SV2C: variants seen among roughly 807,000 people sequenced by gnomAD.
SV2C encodes solute carrier family 22 member B3.
Under a neutral mutation model 79.7 loss-of-function variants are expected in SV2C, and 49 were observed. The ratio of observed to expected loss-of-function variants is 0.61; its 90% CI spans 0.49 to 0.78. The LOEUF (loss-of-function observed/expected upper bound fraction) is 0.78. SV2C is among the 30% of genes least tolerant of loss of function. The pLI, the probability that SV2C is intolerant of heterozygous loss-of-function variation, is 0.00. For missense variants in SV2C, 833 were observed against 912.9 expected, an observed-to-expected ratio of 0.91 and a Z score of 1.13; for synonymous variants, 334 against 333.2, an observed-to-expected ratio of 1.00 and a Z score of -0.03.
At chr5:75,911,263 A>G in the SV2C span, 1 of 1,466,270 alleles carries the variant, frequency 6.8e-7, no homozygotes, top group Admixed American at 1.7e-5. Context: ...AGTTCTCCCT[A>G]GCTCCCCAGC....
At chr5:75,927,107 C>A in the SV2C span, among the ~76,000 whole-genome samples, 1 of 152,060 alleles carries the variant, frequency 6.6e-6, no homozygotes, top group Non-Finnish European at 1.5e-5. Flanking sequence ...AGGTGGATAT[C>A]AGTGCATGAT....
At position 76,121,684 on chromosome 5, in the gene SV2C, T is replaced by A. The variant is rs1247324040; in HGVS notation, c.-101-9966T>A. Among the ~76,000 whole-genome samples the A allele has an allele frequency of 2.0e-5, 3 of 151,886 alleles. No homozygotes were observed. The East Asian group carries it at 5.8e-4, about 29-fold the overall frequency. On this transcript the variant is annotated intron_variant, in intron 1 of 12. Coordinates refer to ENST00000502798, the MANE Select transcript of SV2C (RefSeq NM_014979.4). ...GTCAAAGATCAGATAGTTGTAGATATGCGGCGTTATTTCTGAGGGCTCTGC... is the reference window on the plus strand; with the variant it reads ...GTCAAAGATCAGATAGTTGTAGATAAGCGGCGTTATTTCTGAGGGCTCTGC...
chr5:76,321,849 G>A lies in SV2C; in HGVS notation c.2001-3515G>A, dbSNP rs1748840430. Among the ~76,000 whole-genome samples the A allele has an allele frequency of 3.3e-5, 5 of 152,170 alleles. No homozygotes were observed. The South Asian group carries it at 1.0e-3, about 32-fold the overall frequency. On this transcript the variant is annotated intron_variant, in intron 12 of 12. Transcript: ENST00000502798. ...TTTTTAAAAAATGTCTTAAGAAGTGGGATGTGTCTTACTTATATACCTGCG... is the reference window on the plus strand; with the variant it reads ...TTTTTAAAAAATGTCTTAAGAAGTGAGATGTGTCTTACTTATATACCTGCG...
the SV2C span, among the ~76,000 whole-genome samples, chr5:75,899,031 A>G: frequency 2.0e-5 from 3 of 152,092 alleles, no homozygotes; most frequent in African/African-American, 7.2e-5. Context: ...TCCTGGATTC[A>G]TTAATTTGTT....
the SV2C span, among the ~76,000 whole-genome samples, chr5:76,070,395 A>G: frequency 6.6e-6 from 1 of 152,086 alleles, no homozygotes; most frequent in Non-Finnish European, 1.5e-5. Context: ...ACTGTCCCCA[A>G]GGTTAAGGCA....
At chr5:75,967,692 C>A in the SV2C span, among the ~76,000 whole-genome samples, 22 of 152,342 alleles carry the variant, frequency 1.4e-4, no homozygotes, top group African/African-American at 5.3e-4. Flanking sequence ...ACTGGGTGGA[C>A]CCCACCACAG....
the SV2C span, among the ~76,000 whole-genome samples, chr5:76,011,148 G>A: frequency 0.035 from 5,251 of 152,086 alleles, 194 homozygotes; most frequent in African/African-American, 0.083. Flanking sequence ...AAAGAAATTC[G>A]GAGGTTCTAT....
At chr5:76,214,696 C>A (rs1418048341) in intron 4 of SV2C, among the ~76,000 whole-genome samples, 1 of 152,206 alleles carries the variant, frequency 6.6e-6, no homozygotes, top group Non-Finnish European at 1.5e-5. Context: ...TCTTCCATTT[C>A]TTTCATCAGA....
the SV2C span, among the ~76,000 whole-genome samples, chr5:76,053,080 G>C: frequency 6.8e-6 from 1 of 146,212 alleles, no homozygotes; most frequent in Admixed American, 6.9e-5. Context: ...GGTTGTACAA[G>C]ACATCTTAAT....
chr5:76,040,639 C>T, the SV2C span, among the ~76,000 whole-genome samples: 63,347 of 152,022 alleles, frequency 0.42, 15,269 homozygotes, highest in Middle Eastern at 0.58. Flanking sequence ...ATATTTTAGA[C>T]CCCAGTTGCT....
At chr5:75,941,890 C>T in the SV2C span, among the ~76,000 whole-genome samples, 1 of 152,196 alleles carries the variant, frequency 6.6e-6, no homozygotes, top group East Asian at 1.9e-4. Context: ...GGGTCCTACC[C>T]ATACCCTGGA....
chr5:76,088,348 C>T (rs1747265027), intron 1 of SV2C, among the ~76,000 whole-genome samples: 1 of 152,080 alleles, frequency 6.6e-6, no homozygotes, highest in Non-Finnish European at 1.5e-5. Flanking sequence ...TAGTCCCTTC[C>T]AGCTGCTATA....
At chr5:76,116,272 G>A (rs1362282960) in intron 1 of SV2C, among the ~76,000 whole-genome samples, 1 of 152,106 alleles carries the variant, frequency 6.6e-6, no homozygotes. Flanking sequence ...GCATTTCTTT[G>A]TTTTGCTATC....
chr5:76,171,664 G>T (rs1426838398), intron 2 of SV2C, among the ~76,000 whole-genome samples: 1 of 145,368 alleles, frequency 6.9e-6, no homozygotes, highest in Non-Finnish European at 1.5e-5. Flanking sequence ...GGGAGGTGGG[G>T]GGTCAGCCCC....
chr5:76,150,677 G>A (rs1465107873), intron 2 of SV2C, among the ~76,000 whole-genome samples: 2 of 102,998 alleles, frequency 1.9e-5, no homozygotes, highest in South Asian at 3.5e-4. Context: ...TCACTCTGTT[G>A]CCCAGGCTGG....
chr5:76,285,912 G>A (rs749005011), intron 6 of SV2C, 42 bp downstream of exon 6: 16 of 1,562,000 alleles, frequency 1.0e-5, no homozygotes, highest in Middle Eastern at 1.7e-4. Context: ...CAGGGATTGG[G>A]ACATGTTTTC....
At chr5:76,149,046 A>T (rs1223043208) in intron 2 of SV2C, among the ~76,000 whole-genome samples, 1 of 152,040 alleles carries the variant, frequency 6.6e-6, no homozygotes, top group East Asian at 1.9e-4. Context: ...TTTGTTGTTG[A>T]TCTGAAATTC....
intron 10 of SV2C, 82 bp downstream of exon 10, chr5:76,299,009 A>T (rs1356029581): frequency 4.8e-6 from 7 of 1,455,728 alleles, no homozygotes; most frequent in Non-Finnish European, 5.5e-6. Context: ...ATGTGGGCAG[A>T]GGCTTATGCG....
chr5:76,169,660 A>C (rs911979318), intron 2 of SV2C, among the ~76,000 whole-genome samples: 1 of 152,218 alleles, frequency 6.6e-6, no homozygotes, highest in African/African-American at 2.4e-5. Flanking sequence ...AATGCCCTTA[A>C]CTGGTTCCAT....
Sources: allele counts gnomAD v4.1 joint callset (sites outside exome capture counted in the v4.1 genomes callset), GRCh38; gene constraint gnomAD v4.1.1; transcripts MANE v1.5; gene names NCBI Gene and HGNC (gene_info 2026-07-23, HGNC 2026-07-21).